DPP6: variants seen among roughly 807,000 people sequenced by gnomAD.
The protein encoded by DPP6 is dipeptidyl peptidase like 6, also known as A-type potassium channel modulatory protein DPP6.
Under a neutral mutation model 122.6 loss-of-function variants are expected in DPP6, and 69 were observed. The observed-to-expected ratio is 0.56, with a 90% CI of 0.46 to 0.69. DPP6 has a LOEUF of 0.69. Among genes scored for constraint, DPP6 ranks in the 30% least tolerant of loss-of-function variants. The pLI, the probability that DPP6 is intolerant of heterozygous loss-of-function variation, is 0.00. For synonymous variants in DPP6, 418 were observed against 433.1 expected, an observed-to-expected ratio of 0.97 and a Z score of 0.43; for missense variants, 928 against 1,116.9, an observed-to-expected ratio of 0.83 and a Z score of 2.41.
intron 1 of DPP6, among the ~76,000 whole-genome samples, chr7:154,126,946 C>T (rs1263338638): frequency 6.6e-6 from 1 of 152,132 alleles, no homozygotes; most frequent in African/African-American, 2.4e-5. Context: ...CACCATAACA[C>T]TTTTTTCAAA....
At chr7:153,874,401 AG>A in the DPP6 span, among the ~76,000 whole-genome samples, 1 of 152,146 alleles carries the variant, frequency 6.6e-6, no homozygotes, top group Admixed American at 6.6e-5. Flanking sequence ...TTTGAGAGGG[AG>A]TCTTGCTCTG....
chr7:153,915,043 T>A (rs1251263314), intron 1 of DPP6, among the ~76,000 whole-genome samples: 1 of 152,236 alleles, frequency 6.6e-6, no homozygotes, highest in African/African-American at 2.4e-5. Context: ...AGCAGTAGAA[T>A]CTTTTCTGCT....
At chr7:154,533,606 C>T (rs1828014207) in intron 3 of DPP6, among the ~76,000 whole-genome samples, 1 of 152,076 alleles carries the variant, frequency 6.6e-6, no homozygotes, top group South Asian at 2.1e-4. Context: ...TACTCTCACT[C>T]TAAAACCAGA....
At chr7:154,868,799 C>T (rs1173597009) in intron 18 of DPP6, among the ~76,000 whole-genome samples, 12 of 152,232 alleles carry the variant, frequency 7.9e-5, no homozygotes, top group Non-Finnish European at 1.8e-4. Context: ...CAGGTCGTTA[C>T]TCTTGGAAAC....
At chr7:153,864,154 G>A in the DPP6 span, among the ~76,000 whole-genome samples, 1 of 152,104 alleles carries the variant, frequency 6.6e-6, no homozygotes, top group Non-Finnish European at 1.5e-5. Flanking sequence ...TTTGAGGAAC[G>A]CCAGACTGTG....
At chr7:154,442,989 C>A (rs1296345302) in intron 1 of DPP6, among the ~76,000 whole-genome samples, 4 of 152,182 alleles carry the variant, frequency 2.6e-5, no homozygotes, top group African/African-American at 9.7e-5. Flanking sequence ...ACACCCCTTT[C>A]ACTCAGAGGT....
At chr7:154,654,879 C>A (rs1053206178) in intron 6 of DPP6, among the ~76,000 whole-genome samples, 2 of 152,056 alleles carry the variant, frequency 1.3e-5, no homozygotes, top group African/African-American at 4.8e-5. Flanking sequence ...TTTAGATATA[C>A]ACAAAAAATG....
At chr7:153,779,397 G>T in the DPP6 span, among the ~76,000 whole-genome samples, 3 of 151,534 alleles carry the variant, frequency 2.0e-5, no homozygotes, top group Non-Finnish European at 4.4e-5. Flanking sequence ...AGAAATAAGA[G>T]ATTTGCATAT....
At chr7:154,725,443 A>G (rs1842018851) in intron 7 of DPP6, among the ~76,000 whole-genome samples, 1 of 152,178 alleles carries the variant, frequency 6.6e-6, no homozygotes, top group Admixed American at 6.5e-5. Context: ...GGAAGCAGGC[A>G]CATCTTACAT....
At chr7:154,831,121 A>G (rs1350679232) in intron 16 of DPP6, among the ~76,000 whole-genome samples, 1 of 152,176 alleles carries the variant, frequency 6.6e-6, no homozygotes, top group Non-Finnish European at 1.5e-5. Flanking sequence ...GCCTTAGAAA[A>G]AGGACCACAG....
chr7:154,527,828 T>A (rs146037807), intron 3 of DPP6, among the ~76,000 whole-genome samples: 8 of 152,332 alleles, frequency 5.3e-5, no homozygotes, highest in Non-Finnish European at 1.2e-4. Context: ...ATTTTTAACA[T>A]ACGCATGGTC....
intron 1 of DPP6, among the ~76,000 whole-genome samples, chr7:154,195,956 A>G (rs1798845348): frequency 6.6e-6 from 1 of 152,068 alleles, no homozygotes; most frequent in Non-Finnish European, 1.5e-5. Context: ...TTTGGCAAAC[A>G]CCTTCTCCCT....
intron 5 of DPP6, among the ~76,000 whole-genome samples, chr7:154,583,194 G>T (rs1054772087): frequency 5.3e-5 from 8 of 152,228 alleles, no homozygotes; most frequent in African/African-American, 1.9e-4. Context: ...CACAGACTGG[G>T]CAGCTTAAAC....
At chr7:154,577,524 A>G (rs1351192088) in intron 5 of DPP6, among the ~76,000 whole-genome samples, 1 of 152,238 alleles carries the variant, frequency 6.6e-6, no homozygotes, top group Non-Finnish European at 1.5e-5. Flanking sequence ...GGCCTCCTGC[A>G]GTGATAATGT....
the DPP6 span, among the ~76,000 whole-genome samples, chr7:153,853,852 A>T: frequency 6.6e-6 from 1 of 151,800 alleles, no homozygotes; most frequent in African/African-American, 2.4e-5. Flanking sequence ...TAGTTTAATT[A>T]GATCCCATTT....
rs1384076311 is a variant in DPP6, at chr7:154,486,505, CTT to C, written c.457+11472_457+11473del. Among the ~76,000 whole-genome samples the C allele has an allele frequency of 4.6e-5, 7 of 152,176 alleles. No individual in the cohort carries two copies. Among genetic ancestry groups the C allele is most frequent in the Admixed American group, 4.6e-4 (7 of 15,274 alleles). Reference sequence around the variant, plus strand: ...AGCTTTGTGACTTTATTGCTCTTCTCTTTTTCTGAAAATACCGTTGCTCATCA... The same window carrying C: ...AGCTTTGTGACTTTATTGCTCTTCTCTTTCTGAAAATACCGTTGCTCATCA... On this transcript the variant is annotated intron_variant, in intron 3 of 25. Transcript: ENST00000377770. This position sits in a 1 kb window ranked among gnomAD's most constrained non-coding sequence, Gnocchi z 4.5.
At chr7:153,926,055 C>A (rs1475425365) in intron 1 of DPP6, among the ~76,000 whole-genome samples, 3 of 152,266 alleles carry the variant, frequency 2.0e-5, no homozygotes, top group East Asian at 3.9e-4. Flanking sequence ...CAGCATCCTT[C>A]CACGTCCTCT....
At chr7:153,786,291 G>C in the DPP6 span, among the ~76,000 whole-genome samples, 2 of 146,666 alleles carry the variant, frequency 1.4e-5, no homozygotes, top group African/African-American at 5.1e-5. Flanking sequence ...AGAAATACTA[G>C]TTAAAACATT....
At chr7:154,395,558 A>C (rs1815006483) in intron 1 of DPP6, among the ~76,000 whole-genome samples, 1 of 152,052 alleles carries the variant, frequency 6.6e-6, no homozygotes, top group Non-Finnish European at 1.5e-5. Context: ...CAGATTGTTC[A>C]TTGTTAGCAT....
Sources: allele counts gnomAD v4.1 joint callset (sites outside exome capture counted in the v4.1 genomes callset), GRCh38; gene constraint gnomAD v4.1.1; non-coding constraint Gnocchi (gnomAD v3.1); transcripts MANE v1.5; gene names NCBI Gene and HGNC (gene_info 2026-07-23, HGNC 2026-07-21).